The following KLF12 variants were observed in gnomAD, a reference collection of about 807,000 sequenced individuals.
The protein encoded by KLF12 is KLF transcription factor 12, also known as Krueppel-like factor 12.
In KLF12, 9 loss-of-function variants were observed where a neutral mutation model predicts 37.8. The ratio of observed to expected loss-of-function variants is 0.24; its 90% CI spans 0.14 to 0.42. KLF12 has a LOEUF of 0.42. Ranked by LOEUF, KLF12 falls within the 10% of genes least tolerant of loss-of-function variation. The pLI is 1.00. For missense variants in KLF12, 411 were observed against 516.0 expected, an observed-to-expected ratio of 0.80 and a Z score of 1.97; for synonymous variants, 208 against 202.1, an observed-to-expected ratio of 1.03 and a Z score of -0.25.
At chr13:73,888,201 G>A (rs1244907802) in intron 3 of KLF12, among the ~76,000 whole-genome samples, 2 of 151,938 alleles carry the variant, frequency 1.3e-5, no homozygotes, top group Non-Finnish European at 1.5e-5. Context: ...ACAGGGTTTC[G>A]CCATGTTGTC....
intron 1 of KLF12, among the ~76,000 whole-genome samples, chr13:74,113,763 A>G (rs1436824398): frequency 2.0e-5 from 3 of 152,230 alleles, no homozygotes; most frequent in Non-Finnish European, 4.4e-5. Flanking sequence ...CTTATTATTT[A>G]AGAAACACGT....
In KLF12 at chr13:73,965,352, C is replaced by T. The variant is rs190032592; in HGVS notation, c.34-21282G>A. Among the ~76,000 whole-genome samples, 3 of 152,268 alleles carry T rather than the reference C, an allele frequency of 2.0e-5. No individual in the cohort carries two copies. The East Asian group carries it at 5.8e-4, about 29-fold the overall frequency. On this transcript the variant is annotated intron_variant, in intron 2 of 7. Coordinates refer to ENST00000377669, the MANE Select transcript of KLF12 (RefSeq NM_007249.5). Reference sequence around the variant, plus strand: ...GCAAAATATTTTAATGTCAAGTCTCCATAAGAAATATTTTATTCTAAAAGC... The same window carrying T: ...GCAAAATATTTTAATGTCAAGTCTCTATAAGAAATATTTTATTCTAAAAGC...
rs1882776399 is a variant in KLF12 at position 73,808,716 on chromosome 13, A to G, written c.806+4436T>C. Among the ~76,000 whole-genome samples, 3 of 152,224 alleles carry G rather than the reference A, an allele frequency of 2.0e-5. No homozygotes were observed. In the South Asian group the frequency reaches 6.2e-4, roughly 31 times the overall value. ...AGGAATGTTCACGCTATATAAATAT[A>G]CTAATGTCAACAAAGTAAGGCACCA... On this transcript the variant is annotated intron_variant, in intron 5 of 7. Coordinates refer to ENST00000377669, the MANE Select transcript of KLF12 (RefSeq NM_007249.5).
chr13:73,716,131 C>T (rs1459033352), intron 6 of KLF12, among the ~76,000 whole-genome samples: 2 of 152,098 alleles, frequency 1.3e-5, no homozygotes, highest in African/African-American at 4.8e-5. Flanking sequence ...TGAGGAATAA[C>T]GTGCATTGTC....
chr13:73,913,716 T>C (rs1888682339), intron 3 of KLF12, among the ~76,000 whole-genome samples: 1 of 152,228 alleles, frequency 6.6e-6, no homozygotes, highest in Non-Finnish European at 1.5e-5. Context: ...TTAATACCTT[T>C]AAAATAAAAA....
intron 2 of KLF12, chr13:73,960,459 C>T (rs1566483262): frequency 9.4e-6 from 2 of 212,288 alleles, no homozygotes; most frequent in African/African-American, 4.7e-5. Flanking sequence ...AAATGTGAGG[C>T]AAAAAAAGAG....
At chr13:74,223,397 G>C in the KLF12 span, among the ~76,000 whole-genome samples, 1 of 152,130 alleles carries the variant, frequency 6.6e-6, no homozygotes, top group Non-Finnish European at 1.5e-5. Context: ...TTCTAGTACA[G>C]TTTATGTGTC....
chr13:73,825,312 G>A (rs930355280), intron 4 of KLF12, among the ~76,000 whole-genome samples: 21 of 152,132 alleles, frequency 1.4e-4, no homozygotes, highest in South Asian at 1.2e-3. Flanking sequence ...CAAGGCTCTG[G>A]CTTGTTTAGG....
chr13:74,101,224 C>T (rs1876323834), intron 1 of KLF12, among the ~76,000 whole-genome samples: 1 of 152,204 alleles, frequency 6.6e-6, no homozygotes, highest in East Asian at 1.9e-4. Context: ...ATGATTTACT[C>T]TTCCTCCAAA....
chr13:73,702,740 T>G (rs1404574245), intron 7 of KLF12, among the ~76,000 whole-genome samples: 1 of 152,178 alleles, frequency 6.6e-6, no homozygotes, highest in African/African-American at 2.4e-5. Flanking sequence ...GTATTTGCTG[T>G]GACAATCTGT....
intron 3 of KLF12, among the ~76,000 whole-genome samples, chr13:73,911,800 G>A (rs965186591): frequency 6.6e-6 from 1 of 152,164 alleles, no homozygotes; most frequent in African/African-American, 2.4e-5. Flanking sequence ...TTATGGAAAT[G>A]GATTTTGTCT....
intron 2 of KLF12, among the ~76,000 whole-genome samples, chr13:73,959,200 G>T (rs908262167): frequency 3.3e-5 from 5 of 150,068 alleles, no homozygotes; most frequent in African/African-American, 1.2e-4. Flanking sequence ...CATCATCATT[G>T]ACACAACCCT....
intron 1 of KLF12, among the ~76,000 whole-genome samples, chr13:74,089,798 A>AG (rs1279375217): frequency 9.8e-6 from 1 of 102,440 alleles, no homozygotes; most frequent in Admixed American, 1.2e-4. Context: ...CGTAACATGC[A>AG]GGGGGAAAAA....
intron 1 of KLF12, among the ~76,000 whole-genome samples, chr13:74,057,702 T>C (rs1177821748): frequency 1.3e-5 from 2 of 152,146 alleles, no homozygotes; most frequent in African/African-American, 2.4e-5. Flanking sequence ...AGAGAATATA[T>C]TATCAGCTCT....
At chr13:73,828,670 T>C (rs988757608) in intron 4 of KLF12, among the ~76,000 whole-genome samples, 3 of 152,170 alleles carry the variant, frequency 2.0e-5, no homozygotes, top group Admixed American at 2.0e-4. Flanking sequence ...ACTTTAATGT[T>C]ACCATGTTAA....
the KLF12 span, among the ~76,000 whole-genome samples, chr13:74,245,336 T>TCTATCTAA: frequency 6.7e-6 from 1 of 149,804 alleles, no homozygotes; most frequent in African/African-American, 2.5e-5. Context: ...TATCTATCTA[T>TCTATCTAA]CTATCATCTA....
the KLF12 span, among the ~76,000 whole-genome samples, chr13:74,270,572 A>C: frequency 6.6e-6 from 1 of 152,218 alleles, no homozygotes; most frequent in East Asian, 1.9e-4. Context: ...GGGACCTCGC[A>C]AACCTTGCCC....
chr13:74,241,258 G>C, the KLF12 span, among the ~76,000 whole-genome samples: 1 of 152,026 alleles, frequency 6.6e-6, no homozygotes, highest in African/African-American at 2.4e-5. Context: ...GGCTGCCCGG[G>C]GGTCAGGGGT....
At chr13:73,858,887 G>C (rs1885753369) in intron 3 of KLF12, among the ~76,000 whole-genome samples, 1 of 152,108 alleles carries the variant, frequency 6.6e-6, no homozygotes, top group Non-Finnish European at 1.5e-5. Context: ...TGCATAAACT[G>C]AAAAAGTAAA....
Sources: allele counts gnomAD v4.1 joint callset (sites outside exome capture counted in the v4.1 genomes callset), GRCh38; gene constraint gnomAD v4.1.1; transcripts MANE v1.5; gene names NCBI Gene and HGNC (gene_info 2026-07-23, HGNC 2026-07-21).